The following CREB5 variants were observed in gnomAD, a reference collection of about 807,000 sequenced individuals.
The protein encoded by CREB5 is cAMP responsive element binding protein 5, also known as cyclic AMP-responsive element-binding protein 5.
Under a neutral mutation model 57.1 loss-of-function variants are expected in CREB5, and 19 were observed. The ratio of observed to expected loss-of-function variants is 0.33; its 90% CI spans 0.23 to 0.49. The LOEUF (loss-of-function observed/expected upper bound fraction) is 0.49, where lower values mean the gene tolerates loss of function less well. CREB5 is among the 20% of genes least tolerant of loss of function. The probability of loss-of-function intolerance (pLI) is 0.99; values close to 1 mark genes in which losing one functional copy is unlikely to be tolerated. For missense variants in CREB5, 579 were observed against 671.6 expected (o/e 0.86, Z 1.52); for synonymous variants, 238 against 238.3 (o/e 1.00, Z 0.01).
chr7:28,691,361 A>C (rs1354595155), intron 5 of CREB5, among the ~76,000 whole-genome samples: 1 of 144,060 alleles, frequency 6.9e-6, no homozygotes, highest in East Asian at 2.1e-4. Flanking sequence ...CAGAGGTTGC[A>C]TTGAGTAGAG....
Position 28,686,236 on chromosome 7 carries a change from T to G in CREB5, c.465-32517T>G, listed in dbSNP as rs977038336. ...TTTATTTTCTTTTCTCCTGATTTTA[T>G]AGATTTTTTTTGCCCCTACTGCCTT... On this transcript the variant is annotated intron_variant, in intron 5 of 10. Coordinates refer to ENST00000357727, the MANE Select transcript of CREB5 (RefSeq NM_182898.4). 3 of 1,561,756 alleles carry G rather than the reference T, an allele frequency of 1.9e-6. No homozygotes were observed. In the Admixed American group the frequency reaches 5.0e-5, roughly 26 times the overall value.
intron 1 of CREB5, among the ~76,000 whole-genome samples, chr7:28,482,129 G>A (rs1427056064): frequency 3.3e-5 from 5 of 152,196 alleles, no homozygotes; most frequent in Non-Finnish European, 7.3e-5. Flanking sequence ...CAATGGCACT[G>A]TTTTGCAGAT....
intron 5 of CREB5, among the ~76,000 whole-genome samples, chr7:28,705,244 T>C (rs904178152): frequency 6.6e-6 from 1 of 150,840 alleles, no homozygotes; most frequent in Non-Finnish European, 1.5e-5. Context: ...CCACCTGTAA[T>C]CCCAACTACT....
At chr7:28,758,128 G>T (rs753880233) in intron 7 of CREB5, among the ~76,000 whole-genome samples, 80 of 152,302 alleles carry the variant, frequency 5.3e-4, no homozygotes, top group Non-Finnish European at 8.8e-4. Flanking sequence ...AGCCATCATT[G>T]TCTCTGTTGG....
intron 5 of CREB5, among the ~76,000 whole-genome samples, chr7:28,680,621 T>C (rs1033562066): frequency 1.3e-5 from 2 of 152,086 alleles, no homozygotes; most frequent in Non-Finnish European, 2.9e-5. Flanking sequence ...TAGCCAAGCA[T>C]GGTGGTGCAC....
chr7:28,489,957 TAACTAAATTAG>T (rs1407648098), intron 2 of CREB5, among the ~76,000 whole-genome samples: 1 of 152,190 alleles, frequency 6.6e-6, no homozygotes, highest in Non-Finnish European at 1.5e-5. Flanking sequence ...GTTACTAGAG[TAACTAAATTAG>T]AACTTAATTC....
At chr7:28,624,776 A>T (rs980729205) in intron 5 of CREB5, among the ~76,000 whole-genome samples, 1 of 151,350 alleles carries the variant, frequency 6.6e-6, no homozygotes, top group South Asian at 2.1e-4. Context: ...ACTCTTCCCT[A>T]TAAAAGGAAA....
chr7:28,497,473 A>G (rs1190205956), intron 3 of CREB5, among the ~76,000 whole-genome samples: 1 of 152,262 alleles, frequency 6.6e-6, no homozygotes, highest in Non-Finnish European at 1.5e-5. Flanking sequence ...AGAGAAAAAC[A>G]GTATGAGTAT....
intron 5 of CREB5, among the ~76,000 whole-genome samples, chr7:28,695,563 G>A (rs1307912948): frequency 6.6e-6 from 1 of 152,124 alleles, no homozygotes; most frequent in Non-Finnish European, 1.5e-5. Flanking sequence ...CTTGCTTTTT[G>A]CCTCCAGCCA....
chr7:28,479,760 T>C (rs1309037972), intron 1 of CREB5, among the ~76,000 whole-genome samples: 1 of 152,184 alleles, frequency 6.6e-6, no homozygotes, highest in Non-Finnish European at 1.5e-5. Flanking sequence ...CATTCTCAAA[T>C]GTCTTTCAAG....
chr7:28,346,064 T>A (rs1004272069), intron 1 of CREB5, among the ~76,000 whole-genome samples: 3 of 152,156 alleles, frequency 2.0e-5, no homozygotes, highest in Non-Finnish European at 4.4e-5. Context: ...TTGGGTTTAC[T>A]GGGGAAGTAG....
At chr7:28,626,609 G>A (rs1246726324) in intron 5 of CREB5, among the ~76,000 whole-genome samples, 2 of 152,138 alleles carry the variant, frequency 1.3e-5, no homozygotes, top group Admixed American at 6.5e-5. Flanking sequence ...TCAAACCCTG[G>A]GGTGATGGAA....
chr7:28,486,674 AT>A lies in CREB5; in HGVS notation c.4-1500del, dbSNP rs1791565817. 5.4e-5 allele frequency among the ~76,000 whole-genome samples: 7 copies of A among 129,028 alleles called. 1 individual carries two copies. The highest frequency in any genetic ancestry group is 2.2e-4 in the East Asian group (1 of 4,584). The allele number at this position is 129,028 out of a possible 152,430, so 84.6% of individuals were successfully genotyped here. ...AAACGTGTATCTCCTATGATTTTATATATATATATATATATATATGTTACTG... is the reference window on the plus strand; with the variant it reads ...AAACGTGTATCTCCTATGATTTTATAATATATATATATATATATGTTACTG... On this transcript the variant is annotated intron_variant, in intron 1 of 10. Coordinates refer to ENST00000357727, the MANE Select transcript of CREB5 (RefSeq NM_182898.4).
chr7:28,598,210 G>A (rs1291602837), intron 5 of CREB5, among the ~76,000 whole-genome samples: 1 of 152,104 alleles, frequency 6.6e-6, no homozygotes. Context: ...GAGATCTGAT[G>A]GGTTTGTCAG....
chr7:28,523,223 G>A (rs982044011), intron 4 of CREB5, among the ~76,000 whole-genome samples: 2 of 152,122 alleles, frequency 1.3e-5, no homozygotes, highest in African/African-American at 4.8e-5. Flanking sequence ...TTTTGGCAGT[G>A]GGATAAAGAT....
At chr7:28,704,659 G>A (rs1802019825) in intron 5 of CREB5, among the ~76,000 whole-genome samples, 1 of 152,014 alleles carries the variant, frequency 6.6e-6, no homozygotes, top group Non-Finnish European at 1.5e-5. Context: ...ATCTTGCTAA[G>A]TTGCCCAGGC....
At chr7:28,753,356 C>T (rs1303467610) in intron 7 of CREB5, among the ~76,000 whole-genome samples, 1 of 152,004 alleles carries the variant, frequency 6.6e-6, no homozygotes, top group Non-Finnish European at 1.5e-5. Context: ...CAGAATGTCC[C>T]TAATCTCTCT....
intron 4 of CREB5, among the ~76,000 whole-genome samples, chr7:28,529,315 A>C (rs1034621562): frequency 2.0e-5 from 3 of 150,958 alleles, no homozygotes; most frequent in Non-Finnish European, 2.9e-5. Context: ...GGAGGTGCCA[A>C]GGTGGGAAGC....
rs141995397 is a variant in CREB5 at position 28,638,757 on chromosome 7, C to G, written c.464+68220C>G. 4.1e-3 allele frequency among the ~76,000 whole-genome samples: 628 copies of G among 152,256 alleles called. 2 individuals are homozygous for G. Among genetic ancestry groups the G allele is most frequent in the African/African-American group, 0.014 (592 of 41,534 alleles). ...TCCACATAATGTTTAGAAATTAGTT[C>G]ATTTTATATATGAAAAACCTGACAA... On this transcript the variant is annotated intron_variant, in intron 5 of 10. Coordinates refer to ENST00000357727, the MANE Select transcript of CREB5 (RefSeq NM_182898.4).
Sources: gnomAD v4.1 joint callset for allele counts (sites outside exome capture counted in the v4.1 genomes callset) on GRCh38, gnomAD v4.1.1 for gene constraint, MANE v1.5 for transcripts, NCBI Gene and HGNC (gene_info 2026-07-23, HGNC 2026-07-21) for gene names.